CDYL2: variants seen among roughly 807,000 people sequenced by gnomAD.
CDYL2 encodes the protein chromodomain Y-like protein 2.
A neutral mutation model predicts 49.4 loss-of-function variants in CDYL2; 23 were observed. The observed-to-expected ratio is 0.47, with a 90% CI of 0.34 to 0.66. The LOEUF is 0.66. Among genes scored for constraint, CDYL2 ranks in the 30% least tolerant of loss-of-function variants. CDYL2 has a pLI of 0.01. For missense variants in CDYL2, 678 were observed against 656.4 expected, an observed-to-expected ratio of 1.03 and a Z score of -0.36; for synonymous variants, 360 against 268.8, an observed-to-expected ratio of 1.34 and a Z score of -3.32.
chr16:80,651,102 G>C (rs959124136), intron 2 of CDYL2, among the ~76,000 whole-genome samples: 1 of 152,130 alleles, frequency 6.6e-6, no homozygotes, highest in Admixed American at 6.5e-5. Context: ...ATAACTAAAA[G>C]AGTGTAACTG....
intron 1 of CDYL2, among the ~76,000 whole-genome samples, chr16:80,776,979 G>C (rs1043851432): frequency 6.6e-6 from 1 of 151,866 alleles, no homozygotes; most frequent in African/African-American, 2.4e-5. Flanking sequence ...TGCCACGCCC[G>C]GCTAATTTTT....
chr16:80,751,243 G>A (rs892366178), intron 1 of CDYL2, among the ~76,000 whole-genome samples: 1 of 152,152 alleles, frequency 6.6e-6, no homozygotes, highest in East Asian at 1.9e-4. Flanking sequence ...CTGCCAAGAG[G>A]AGGAGAAAAG....
chr16:80,680,518 C>T (rs776166318), intron 2 of CDYL2, among the ~76,000 whole-genome samples: 4 of 152,094 alleles, frequency 2.6e-5, no homozygotes, highest in Admixed American at 6.5e-5. Context: ...CCTGTTTAGA[C>T]GAGTGCTAAG....
At chr16:80,688,648 AC>A (rs1488072507) in intron 1 of CDYL2, among the ~76,000 whole-genome samples, 7 of 152,088 alleles carry the variant, frequency 4.6e-5, no homozygotes, top group African/African-American at 1.7e-4. Context: ...GCTCCCAAAT[AC>A]CCCAGCATAC....
intron 1 of CDYL2, among the ~76,000 whole-genome samples, chr16:80,733,187 A>G (rs1029330167): frequency 1.3e-5 from 2 of 152,232 alleles, no homozygotes; most frequent in African/African-American, 4.8e-5. Context: ...AGGAGGAGAC[A>G]AAGAAGTTGG....
chr16:80,768,636 A>G (rs909574638), intron 1 of CDYL2, among the ~76,000 whole-genome samples: 6 of 152,074 alleles, frequency 3.9e-5, no homozygotes, highest in African/African-American at 9.7e-5. Context: ...ACCTTCTAAT[A>G]CCATCCCCTT....
At chr16:80,652,014 G>C (rs1268395757) in intron 2 of CDYL2, among the ~76,000 whole-genome samples, 2 of 152,164 alleles carry the variant, frequency 1.3e-5, no homozygotes, top group Non-Finnish European at 2.9e-5. Context: ...GTTTGATGCA[G>C]ATAAAGATGG....
chr16:80,684,487 C>T (rs759063822), intron 2 of CDYL2, 51 bp downstream of exon 2: 1 of 1,541,578 alleles, frequency 6.5e-7, no homozygotes, highest in African/African-American at 1.4e-5. Flanking sequence ...AGGCAGAGCT[C>T]CCCTTTCGCC....
At chr16:80,730,967 A>T (rs1905306748) in intron 1 of CDYL2, among the ~76,000 whole-genome samples, 1 of 152,212 alleles carries the variant, frequency 6.6e-6, no homozygotes, top group African/African-American at 2.4e-5. Context: ...TGGAAAGAGT[A>T]GATAGATTAC....
chr16:80,669,474 G>C (rs578026598), intron 2 of CDYL2, among the ~76,000 whole-genome samples: 3 of 151,786 alleles, frequency 2.0e-5, no homozygotes, highest in African/African-American at 7.3e-5. Flanking sequence ...ACAAGGAGCC[G>C]CGTCAAGCAG....
chr16:80,686,558 G>C (rs1296741851), intron 1 of CDYL2, among the ~76,000 whole-genome samples: 2 of 152,210 alleles, frequency 1.3e-5, no homozygotes. Flanking sequence ...TACAGTCATA[G>C]TTGATAATTG....
chr16:80,697,872 T>A (rs760790162), intron 1 of CDYL2, among the ~76,000 whole-genome samples: 5 of 151,222 alleles, frequency 3.3e-5, no homozygotes, highest in Non-Finnish European at 7.4e-5. Context: ...ATGGAAAGAA[T>A]AAAACATTGG....
intron 1 of CDYL2, among the ~76,000 whole-genome samples, chr16:80,774,339 T>TA (rs145287316): frequency 0.069 from 9,578 of 139,038 alleles, 450 homozygotes; most frequent in African/African-American, 0.14. Context: ...ATGTGGAATC[T>TA]AAAAAAGTTG....
intron 2 of CDYL2, among the ~76,000 whole-genome samples, chr16:80,659,510 C>G (rs1162141711): frequency 6.6e-6 from 1 of 151,878 alleles, no homozygotes; most frequent in Non-Finnish European, 1.5e-5. Flanking sequence ...AATATCCACA[C>G]TAGATATTAA....
intron 3 of CDYL2, among the ~76,000 whole-genome samples, chr16:80,630,309 T>A (rs564057018): frequency 6.6e-6 from 1 of 152,286 alleles, no homozygotes; most frequent in Admixed American, 6.5e-5. Context: ...GCACCTTAAA[T>A]CAGACGAGCA....
At chr16:80,622,011 A>G (rs932686289) in intron 3 of CDYL2, among the ~76,000 whole-genome samples, 2 of 152,192 alleles carry the variant, frequency 1.3e-5, no homozygotes, top group Admixed American at 6.5e-5. Context: ...CCAGACCAGG[A>G]AACAGATGCC....
chr16:80,628,178 T>C (rs1907387271), intron 3 of CDYL2: 1 of 152,278 alleles, frequency 6.6e-6, no homozygotes, highest in African/African-American at 2.4e-5. Flanking sequence ...ACAAACTCCC[T>C]TGTAGAATGT....
chr16:80,640,325 T>C lies in CDYL2; in HGVS notation c.617-7089A>G, dbSNP rs1034614363. Among the ~76,000 whole-genome samples, 5 of 152,270 alleles carry C rather than the reference T, an allele frequency of 3.3e-5. No homozygotes were observed. In the South Asian group the frequency reaches 1.0e-3, roughly 32 times the overall value. Reference sequence around the variant, plus strand: ...CTGGTCAGAGTCATGAGGCCCAGTCTGGGCCAGAAGGGAACCTGCTGCCTT... The same window carrying C: ...CTGGTCAGAGTCATGAGGCCCAGTCCGGGCCAGAAGGGAACCTGCTGCCTT... On this transcript the variant is annotated intron_variant, in intron 2 of 6. Transcript: ENST00000570137.
chr16:80,608,312 C>A, intron 5 of CDYL2, 77 bp from the exon 6 acceptor site: 1 of 1,421,020 alleles, frequency 7.0e-7, no homozygotes, highest in Non-Finnish European at 9.3e-7. Flanking sequence ...GGGCTTGCCA[C>A]CTGCAACCAT....
Sources: allele counts gnomAD v4.1 joint callset (sites outside exome capture counted in the v4.1 genomes callset), GRCh38; gene constraint gnomAD v4.1.1; transcripts MANE v1.5; gene names NCBI Gene and HGNC (gene_info 2026-07-23, HGNC 2026-07-21).